The following MACROH2A2 variants were observed in gnomAD, a reference collection of about 807,000 sequenced individuals.
MACROH2A2 encodes macroH2A.2 histone, also known as core histone macro-H2A.2.
A neutral mutation model predicts 37.6 loss-of-function variants in MACROH2A2; 6 were observed. The observed-to-expected ratio is 0.16, with a 90% confidence interval of 0.09 to 0.32. The LOEUF is 0.32. MACROH2A2 is among the 10% of genes least tolerant of loss of function. The probability of loss-of-function intolerance (pLI) is 1.00; values close to 1 mark genes in which losing one functional copy is unlikely to be tolerated. For missense variants in MACROH2A2, 290 were observed against 485.9 expected (o/e 0.60, Z 3.79); for synonymous variants, 192 against 202.7 (o/e 0.95, Z 0.45).
At chr10:70,104,663 G>A (rs1054758125) in intron 7 of MACROH2A2, among the ~76,000 whole-genome samples, 2 of 152,184 alleles carry the variant, frequency 1.3e-5, no homozygotes, top group African/African-American at 4.8e-5. Flanking sequence ...TGGCAAGAGT[G>A]AAACTCTGTG....
chr10:70,088,917 A>T (rs1364490171), intron 2 of MACROH2A2, among the ~76,000 whole-genome samples: 1 of 152,212 alleles, frequency 6.6e-6, no homozygotes, highest in Non-Finnish European at 1.5e-5. Flanking sequence ...CAGCCTGGCC[A>T]ACATGGTGAA....
chr10:70,099,955 C>T (rs1480580485), intron 6 of MACROH2A2, among the ~76,000 whole-genome samples: 1 of 152,192 alleles, frequency 6.6e-6, no homozygotes, highest in African/African-American at 2.4e-5. Context: ...AGACTCAAGC[C>T]ATGAGACCGC....
At chr10:70,078,975 G>C (rs1355711807) in intron 2 of MACROH2A2, among the ~76,000 whole-genome samples, 1 of 152,170 alleles carries the variant, frequency 6.6e-6, no homozygotes. Context: ...AATCTAGACT[G>C]AGTGCCTCAT....
rs188574587 is a variant in MACROH2A2, at chr10:70,055,360, G to A, written c.-60+2360G>A. 9.8e-5 allele frequency among the ~76,000 whole-genome samples: 15 copies of A among 152,340 alleles called. 1 individual carries two copies. The highest frequency in any genetic ancestry group is 6.5e-4 in the Admixed American group (10 of 15,308). The stretch of plus-strand genomic sequence containing the variant: ...CACAGAGATTAACAAAGAACTTGTG[G>A]TTAGAGATCATTCAACAAACACTTA... On this transcript the variant is annotated intron_variant, in intron 1 of 8. Coordinates refer to ENST00000373255, the MANE Select transcript of MACROH2A2 (RefSeq NM_018649.3).
intron 7 of MACROH2A2, among the ~76,000 whole-genome samples, chr10:70,106,310 A>G (rs1031274790): frequency 6.6e-6 from 1 of 152,242 alleles, no homozygotes; most frequent in African/African-American, 2.4e-5. Context: ...CCAGGGTCAC[A>G]GCCCTTGCAA....
intron 7 of MACROH2A2, among the ~76,000 whole-genome samples, chr10:70,106,655 G>A (rs1186629558): frequency 6.6e-6 from 1 of 151,752 alleles, no homozygotes; most frequent in Non-Finnish European, 1.5e-5. Flanking sequence ...AAAATTAGCC[G>A]GGCATGGTGG....
rs1221478914 is a variant in MACROH2A2 at position 70,053,381 on chromosome 10, G to T, written c.-60+381G>T. Reference sequence around the variant, plus strand: ...AATGCGGAGTTTCGGGCGCAGGAGCGGGAGGACGGAGGCGCCCGGCCGCCG... The same window carrying T: ...AATGCGGAGTTTCGGGCGCAGGAGCTGGAGGACGGAGGCGCCCGGCCGCCG... On this transcript the variant is annotated intron_variant, in intron 1 of 8. Coordinates refer to ENST00000373255, the MANE Select transcript of MACROH2A2 (RefSeq NM_018649.3). The surrounding 1 kb of genome is among the most constrained non-coding windows in gnomAD (Gnocchi z 4.8). 6.6e-6 allele frequency among the ~76,000 whole-genome samples: 1 copy of T among 151,854 alleles called. No homozygotes were observed. The highest frequency in any genetic ancestry group is 1.5e-5 in the Non-Finnish European group (1 of 67,832).
At chr10:70,056,439 C>T (rs190231263) in intron 1 of MACROH2A2, among the ~76,000 whole-genome samples, 6 of 152,198 alleles carry the variant, frequency 3.9e-5, no homozygotes, top group South Asian at 2.1e-4. Context: ...CCACCATGCC[C>T]GGCCAAGTTC....
chr10:70,053,878 G>A lies in MACROH2A2; in HGVS notation c.-60+878G>A, dbSNP rs976846134. On this transcript the variant is annotated intron_variant, in intron 1 of 8. Coordinates refer to ENST00000373255, the MANE Select transcript of MACROH2A2 (RefSeq NM_018649.3). The surrounding 1 kb of genome is among the most constrained non-coding windows in gnomAD (Gnocchi z 4.8). ...AGGGAATAAAAGTAAACTGGCTGCG[G>A]CGCAGGAAAGGGCTCTGCCGGGCGC... Among the ~76,000 whole-genome samples, 4 of 152,158 alleles carry A rather than the reference G, an allele frequency of 2.6e-5. No homozygotes were observed. The highest frequency in any genetic ancestry group is 7.2e-5 in the African/African-American group (3 of 41,456).
intron 4 of MACROH2A2, among the ~76,000 whole-genome samples, chr10:70,093,351 C>T (rs1159143585): frequency 6.6e-6 from 1 of 152,300 alleles, no homozygotes; most frequent in East Asian, 1.9e-4. Context: ...TTTCATTCCA[C>T]ACTGCCTCTG....
In MACROH2A2 at chr10:70,086,834, C is replaced by T. The variant is rs1317099924; in HGVS notation, c.173-3226C>T. Among the ~76,000 whole-genome samples the T allele has an allele frequency of 7.9e-5, 12 of 152,264 alleles. No homozygotes were observed. In the East Asian group the frequency reaches 2.3e-3, roughly 29 times the overall value. On this transcript the variant is annotated intron_variant, in intron 2 of 8. Coordinates refer to ENST00000373255, the MANE Select transcript of MACROH2A2 (RefSeq NM_018649.3). ...AGAAATGAGAGTCCCTTGAGATGAG[C>T]AGGGGCAGCACACTTCCCTTCACTG...
chr10:70,096,597 C>T (rs182511188), intron 6 of MACROH2A2, among the ~76,000 whole-genome samples: 43 of 152,158 alleles, frequency 2.8e-4, no homozygotes, highest in Admixed American at 1.4e-3. Context: ...CTGTTATGGG[C>T]GCTGGAAATA....
Position 70,102,430 on chromosome 10 carries a change from A to G in MACROH2A2, c.778+2133A>G, listed in dbSNP as rs1272938807. Among the ~76,000 whole-genome samples, 5 of 152,134 alleles carry G rather than the reference A, an allele frequency of 3.3e-5. No homozygotes were observed. In the East Asian group the frequency reaches 9.6e-4, roughly 29 times the overall value. On this transcript the variant is annotated intron_variant, in intron 7 of 8. Transcript: ENST00000373255. ...TCCAGATTAGACTTGATTGTTATAA[A>G]AGTAGGGCCCAGGTACTGTGGCTCA... is the stretch of plus-strand genomic sequence containing the variant.
chr10:70,094,872 C>T (rs1210033961), intron 5 of MACROH2A2, among the ~76,000 whole-genome samples: 1 of 152,150 alleles, frequency 6.6e-6, no homozygotes, highest in African/African-American at 2.4e-5. Flanking sequence ...ATCCCAGAGC[C>T]CATTACTTCT....
intron 1 of MACROH2A2, among the ~76,000 whole-genome samples, chr10:70,068,197 C>G (rs189224568): frequency 6.6e-6 from 1 of 151,732 alleles, no homozygotes; most frequent in East Asian, 1.9e-4. Flanking sequence ...ATTTTCCTTA[C>G]TTTAGGGTAA....
At chr10:70,082,814 G>T (rs1401283597) in intron 2 of MACROH2A2, among the ~76,000 whole-genome samples, 3 of 152,140 alleles carry the variant, frequency 2.0e-5, no homozygotes, top group Middle Eastern at 3.2e-3. Context: ...GGGAGAGGGA[G>T]GGAGAAAAGA....
chr10:70,070,776 C>T (rs1018323936), intron 1 of MACROH2A2, among the ~76,000 whole-genome samples: 1 of 152,242 alleles, frequency 6.6e-6, no homozygotes, highest in African/African-American at 2.4e-5. Flanking sequence ...GCGTAAGCCA[C>T]CACGCTTGGC....
chr10:70,085,776 T>C (rs2072206919), intron 2 of MACROH2A2, among the ~76,000 whole-genome samples: 1 of 152,210 alleles, frequency 6.6e-6, no homozygotes, highest in East Asian at 1.9e-4. Flanking sequence ...AACAGAATTA[T>C]GATCTTCCCA....
intron 7 of MACROH2A2, among the ~76,000 whole-genome samples, chr10:70,104,529 G>T (rs2072325462): frequency 6.6e-6 from 1 of 152,154 alleles, no homozygotes; most frequent in Non-Finnish European, 1.5e-5. Flanking sequence ...ACAAAAATTA[G>T]CTGGGCGTGG....
Sources: allele counts gnomAD v4.1 joint callset (sites outside exome capture counted in the v4.1 genomes callset), GRCh38; gene constraint gnomAD v4.1.1; non-coding constraint Gnocchi (gnomAD v3.1); transcripts MANE v1.5; gene names NCBI Gene and HGNC (gene_info 2026-07-23, HGNC 2026-07-21).